Variants in CLCA1 observed in about 807,000 individuals in gnomAD.
CLCA1 encodes calcium-activated chloride channel regulator 1.
CLCA1 carries 59 observed loss-of-function variants against 85.6 expected under a neutral mutation model. The observed-to-expected ratio is 0.69, with a 90% CI of 0.56 to 0.86. The LOEUF is 0.86. Among genes scored for constraint, CLCA1 ranks in the 40% least tolerant of loss-of-function variants. The probability of loss-of-function intolerance (pLI) is 0.00; values close to 1 mark genes in which losing one functional copy is unlikely to be tolerated. For synonymous variants in CLCA1, 396 were observed against 398.3 expected, an observed-to-expected ratio of 0.99 and a Z score of 0.07; for missense variants, 1,022 against 1,101.4, an observed-to-expected ratio of 0.93 and a Z score of 1.02.
intron 7 of CLCA1, among the ~76,000 whole-genome samples, chr1:86,487,935 G>T (rs528244619): frequency 1.3e-5 from 2 of 152,362 alleles, no homozygotes; most frequent in Admixed American, 1.3e-4. Flanking sequence ...TCTCTGGCCT[G>T]CAGCTTAGTA....
At chr1:86,478,689 TTAG>T (rs1469117242) in intron 4 of CLCA1, among the ~76,000 whole-genome samples, 1 of 152,248 alleles carries the variant, frequency 6.6e-6, no homozygotes, top group Non-Finnish European at 1.5e-5. Flanking sequence ...GAAAGGGTGA[TTAG>T]TAGTATTTCC....
At chr1:86,493,341 G>T (rs1045389414) in intron 9 of CLCA1, 43 bp from the exon 10 acceptor site, 1 of 1,473,938 alleles carries the variant, frequency 6.8e-7, no homozygotes, top group South Asian at 1.1e-5. Context: ...TCATGTGATG[G>T]GAGCTGTATT....
intron 1 of CLCA1, 27 bp downstream of exon 1, chr1:86,469,160 T>G: frequency 6.5e-7 from 1 of 1,531,956 alleles, no homozygotes; most frequent in Non-Finnish European, 8.9e-7. Context: ...TATCCATACT[T>G]TTTTAAAAAT....
At chr1:86,481,965 T>G (rs1029959644) in intron 4 of CLCA1, among the ~76,000 whole-genome samples, 34 of 152,380 alleles carry the variant, frequency 2.2e-4, no homozygotes, top group African/African-American at 8.2e-4. Context: ...TAAGCCAGAC[T>G]TGGCTTTTCT....
At chr1:86,489,434 G>A (rs772890097) in intron 8 of CLCA1, among the ~76,000 whole-genome samples, 6 of 152,166 alleles carry the variant, frequency 3.9e-5, no homozygotes, top group Non-Finnish European at 8.8e-5. Flanking sequence ...CCCGGGCCAG[G>A]AACCACTCCT....
chr1:86,472,744 T>C (rs1647539438), intron 1 of CLCA1, among the ~76,000 whole-genome samples: 1 of 152,132 alleles, frequency 6.6e-6, no homozygotes, highest in African/African-American at 2.4e-5. Flanking sequence ...AAAAAATAAA[T>C]ACTTCTATCA....
chr1:86,469,225 T>A, intron 1 of CLCA1, 92 bp downstream of exon 1: 1 of 793,826 alleles, frequency 1.3e-6, no homozygotes, highest in Non-Finnish European at 1.9e-6. Context: ...TGCACGACAC[T>A]GGCATGTATT....
At position 86,483,013 on chromosome 1, in the gene CLCA1, G is replaced by C. The variant is rs1360818241; in HGVS notation, c.735+631G>C. On this transcript the variant is annotated intron_variant, in intron 5 of 13. Coordinates refer to ENST00000394711, the MANE Select transcript of CLCA1 (RefSeq NM_001285.4). Reference sequence around the variant, plus strand: ...GGCATCAGTTAACTGACTTCAGTGGGAAGTCTCTCTTGTCTTCCAGTCTCA... The same window carrying C: ...GGCATCAGTTAACTGACTTCAGTGGCAAGTCTCTCTTGTCTTCCAGTCTCA... Among the ~76,000 whole-genome samples, 8 of 152,274 alleles carry C rather than the reference G, an allele frequency of 5.3e-5. No individual in the cohort carries two copies. The East Asian group carries it at 1.3e-3, about 26-fold the overall frequency.
At chr1:86,471,138 C>T (rs752970285) in intron 1 of CLCA1, among the ~76,000 whole-genome samples, 13 of 152,010 alleles carry the variant, frequency 8.6e-5, no homozygotes, top group South Asian at 2.1e-4. Context: ...CAGACATACA[C>T]GCACACACGC....
In CLCA1 at chr1:86,482,400, AC is replaced by A. The variant is rs1453612743; in HGVS notation, c.735+23del. 1.9e-6 allele frequency: 3 copies of A among 1,603,128 alleles called. No homozygotes were observed. Among genetic ancestry groups the A allele is most frequent in the East Asian group, 4.5e-5 (2 of 44,738 alleles). On this transcript the variant is annotated intron_variant, in intron 5 of 13. Coordinates refer to ENST00000394711, the MANE Select transcript of CLCA1 (RefSeq NM_001285.4). Reference sequence around the variant, plus strand: ...TTGATTCTGTAAGTACCTTGTTCTCACCCCCTCCCCCAGATTCTTATGAATT... The same window carrying A: ...TTGATTCTGTAAGTACCTTGTTCTCACCCCTCCCCCAGATTCTTATGAATT...
chr1:86,478,295 C>T (rs1647728836), intron 4 of CLCA1, among the ~76,000 whole-genome samples: 1 of 152,026 alleles, frequency 6.6e-6, no homozygotes, highest in Admixed American at 6.6e-5. Context: ...TGTGTGATGG[C>T]ACACACCTAT....
intron 5 of CLCA1, among the ~76,000 whole-genome samples, chr1:86,484,908 G>A (rs5744365): frequency 0.016 from 2,428 of 152,260 alleles, 69 homozygotes; most frequent in African/African-American, 0.056. Flanking sequence ...AGACATCCAA[G>A]TGGATTTTGG....
intron 7 of CLCA1, 108 bp downstream of exon 7, chr1:86,486,861 T>C: frequency 2.2e-6 from 2 of 930,066 alleles, no homozygotes; most frequent in Non-Finnish European, 3.4e-6. Context: ...CTGGATGAGA[T>C]AACCAAGGAG....
chr1:86,484,714 T>C (rs1249399531), intron 5 of CLCA1, among the ~76,000 whole-genome samples: 2 of 152,122 alleles, frequency 1.3e-5, no homozygotes, highest in Non-Finnish European at 2.9e-5. Context: ...AATTGAGATA[T>C]AGTGAAGTGC....
intron 4 of CLCA1, among the ~76,000 whole-genome samples, chr1:86,481,721 A>G (rs1570282950): frequency 6.6e-6 from 1 of 152,368 alleles, no homozygotes; most frequent in East Asian, 1.9e-4. Flanking sequence ...CATTCCAACT[A>G]TAATAGCAAC....
chr1:86,482,473 G>A, intron 5 of CLCA1, 91 bp downstream of exon 5: 2 of 1,265,182 alleles, frequency 1.6e-6, no homozygotes. Flanking sequence ...TCAAAGTTTA[G>A]AGAAATCATC....
At chr1:86,491,436 A>T in intron 9 of CLCA1, 65 bp downstream of exon 9, 3 of 1,135,168 alleles carry the variant, frequency 2.6e-6, no homozygotes, top group Non-Finnish European at 3.9e-6. Flanking sequence ...GGAGAATTTA[A>T]TGGCTAAAAG....
chr1:86,482,425 T>C, intron 5 of CLCA1, 43 bp downstream of exon 5: 4 of 1,566,904 alleles, frequency 2.6e-6, no homozygotes, highest in Non-Finnish European at 3.5e-6. Context: ...TTCTTATGAA[T>C]TTAGTGAGGC....
intron 12 of CLCA1, 21 bp downstream of exon 12, chr1:86,495,696 T>C (rs2101747900): frequency 2.5e-6 from 4 of 1,592,112 alleles, no homozygotes; most frequent in Non-Finnish European, 3.4e-6. Flanking sequence ...TGTAATAACA[T>C]ACCTGGCTTG....
Sources: gnomAD v4.1 joint callset for allele counts (sites outside exome capture counted in the v4.1 genomes callset) on GRCh38, gnomAD v4.1.1 for gene constraint, MANE v1.5 for transcripts, NCBI Gene and HGNC (gene_info 2026-07-23, HGNC 2026-07-21) for gene names.